Variants in CDC42BPG observed in about 807,000 individuals in gnomAD.
CDC42BPG encodes serine/threonine-protein kinase MRCK gamma.
Under a neutral mutation model 192.2 loss-of-function variants are expected in CDC42BPG, and 157 were observed. That is an observed-to-expected ratio of 0.82 (90% CI 0.72 to 0.93). The LOEUF (loss-of-function observed/expected upper bound fraction) is 0.93, where lower values mean the gene tolerates loss of function less well. CDC42BPG is among the 40% of genes least tolerant of loss of function. CDC42BPG has a pLI of 0.00. For synonymous variants in CDC42BPG, 981 were observed against 918.5 expected, an observed-to-expected ratio of 1.07 and a Z score of -1.23; for missense variants, 1,992 against 2,122.1, an observed-to-expected ratio of 0.94 and a Z score of 1.20.
Position 64,836,709 on chromosome 11 carries a change from G to GGGT in CDC42BPG, c.1384+29_1384+30insACC. On this transcript the variant is annotated intron_variant, in intron 11 of 36. Coordinates refer to ENST00000342711, the MANE Select transcript of CDC42BPG (RefSeq NM_017525.3). ...GAGCCCAGGTGGGACTCAGCCCTGG[G>GGGT]GGGGGGGGGGGGGTGGGCGGAAGGG... 6 of 695,476 alleles carry GGGT rather than the reference G, an allele frequency of 8.6e-6. 1 individual carries two copies. Among genetic ancestry groups the GGGT allele is most frequent in the Non-Finnish European group, 1.3e-5 (6 of 478,564 alleles). The allele number at this position is 695,476 out of a possible 1,614,324, so 43.1% of individuals were successfully genotyped here.
In CDC42BPG at chr11:64,840,326, G is replaced by T. The variant is rs551269388; in HGVS notation, c.433-58C>A. On this transcript the variant is annotated intron_variant, in intron 4 of 36. Transcript: ENST00000342711. ...GAAGGGTGCACCTGGCCACTTCACC[G>T]CGGTCCCGCAGGGCTCTGGGAAGGC... 7 of 1,585,254 alleles carry T rather than the reference G, an allele frequency of 4.4e-6. No individual in the cohort carries two copies. The East Asian group carries it at 9.0e-5, about 20-fold the overall frequency.
In CDC42BPG at chr11:64,833,004, G is replaced by T. The variant is rs749035286; in HGVS notation, c.2732-45C>A. ...GGTGGATGAGGTGAGGCTGGGAGGG[G>T]ACAGCCCCAAACCAGGACGGGGGCA... On this transcript the variant is annotated intron_variant, in intron 24 of 36. Transcript: ENST00000342711. 4 of 1,493,520 alleles carry T rather than the reference G, an allele frequency of 2.7e-6. No individual in the cohort carries two copies. In the East Asian group the frequency reaches 9.9e-5, roughly 37 times the overall value. 92.5% of individuals were successfully genotyped at this position (1,493,520 alleles called of 1,614,324 possible).
chr11:64,830,945 C>A (rs915951494), intron 28 of CDC42BPG, among the ~76,000 whole-genome samples: 1 of 152,232 alleles, frequency 6.6e-6, no homozygotes, highest in African/African-American at 2.4e-5. Context: ...CAGCTGGGCA[C>A]GGTGGCCCAT....
chr11:64,829,381 A>G (rs1401688995), intron 30 of CDC42BPG, 90 bp downstream of exon 30: 22 of 1,516,838 alleles, frequency 1.5e-5, no homozygotes, highest in African/African-American at 2.8e-5. Flanking sequence ...AAGGCCTCCA[A>G]TGCCAGGCTC....
At chr11:64,840,723 T>C in intron 3 of CDC42BPG, 75 bp from the exon 4 acceptor site, 1 of 1,295,988 alleles carries the variant, frequency 7.7e-7, no homozygotes, top group Non-Finnish European at 1.1e-6. Context: ...GCTCAGGGGA[T>C]GGAGAAAGAT....
rs1018292579 is a variant in CDC42BPG, at chr11:64,844,607, G to T, written c.-38C>A. 3.2e-6 allele frequency: 4 copies of T among 1,235,822 alleles called. No homozygotes were observed. The highest frequency in any genetic ancestry group is 4.0e-6 in the Non-Finnish European group (4 of 989,388). The allele number at this position is 1,235,822 out of a possible 1,614,324, so 76.6% of individuals were successfully genotyped here. A position where few individuals can be genotyped will look rare whatever the true frequency, so the allele number is the denominator to read the frequency against. On this transcript the variant is annotated 5_prime_UTR_variant, in exon 1 of 37. Coordinates refer to ENST00000342711, the MANE Select transcript of CDC42BPG (RefSeq NM_017525.3). ...AGCCTCGCTGCTCGGCTACAGTCTG[G>T]CCGCCCGCATGCCCGCCTGTCGGGC... is the stretch of plus-strand genomic sequence containing the variant.
Position 64,841,840 on chromosome 11 carries a change from C to T in CDC42BPG, c.225G>A (p.Lys75=), listed in dbSNP as rs951863384. The change falls in exon 2 of 37, where the codon AAG becomes AAA. Residue 75 remains lysine, a synonymous_variant. Transcript: ENST00000342711. The part of the protein sequence containing the change: ...RLQRDDFEIL[K]VIGRGAFGEV... ...CCCCAAAGGCTCCTCGGCCGATCAC[C>T]TTCAAGATCTCAAAGTCATCTCTCT... is the stretch of plus-strand genomic sequence containing the variant. 6.2e-7 allele frequency: 1 copy of T among 1,614,054 alleles called. No homozygotes were observed. The highest frequency in any genetic ancestry group is 1.3e-5 in the African/African-American group (1 of 75,064).
Position 64,844,390 on chromosome 11 carries a change from C to T in CDC42BPG, c.160+20G>A. 1 of 1,382,894 alleles carries T rather than the reference C, an allele frequency of 7.2e-7. No homozygotes were observed. The highest frequency in any genetic ancestry group is 9.3e-7 in the Non-Finnish European group (1 of 1,069,926). 85.7% of individuals were successfully genotyped at this position (1,382,894 alleles called of 1,614,324 possible). ...GATATCCCTAGGCCCGCCCCCGCTC[C>T]GTGCCGCCCCGCCACTCACCCCAGC... On this transcript the variant is annotated intron_variant, in intron 1 of 36. Coordinates refer to ENST00000342711, the MANE Select transcript of CDC42BPG (RefSeq NM_017525.3).
In CDC42BPG at chr11:64,828,093, A is replaced by G. The variant is rs1942517570; in HGVS notation, c.3968-310T>C. ...AACCCCTGGAGCCATGTGATGGTCAAGGTCAGGTCACTCAGCTGGTCCTGA... is the reference window on the plus strand; with the variant it reads ...AACCCCTGGAGCCATGTGATGGTCAGGGTCAGGTCACTCAGCTGGTCCTGA... On this transcript the variant is annotated intron_variant, in intron 30 of 36. Transcript: ENST00000342711. Among the ~76,000 whole-genome samples, 4 of 152,200 alleles carry G rather than the reference A, an allele frequency of 2.6e-5. No homozygotes were observed. The South Asian group carries it at 8.3e-4, about 32-fold the overall frequency.
Position 64,827,319 on chromosome 11 carries a change from G to C in CDC42BPG, c.4230C>G (p.Phe1410Leu). ...GCTGCTCCTCCGACACGCGGAAAAAGAAGCGGCGCTTGCTCTTGGTGCGGA... is the reference window on the plus strand; with the variant it reads ...GCTGCTCCTCCGACACGCGGAAAAACAAGCGGCGCTTGCTCTTGGTGCGGA... ...QLFRTKSKRR[F>L]FFRVSEEQQK... The change falls in exon 33 of 37, where the codon TTC becomes TTG. Residue 1410 changes from phenylalanine (F) to leucine (L), a missense_variant. This residue lies in a region of CDC42BPG where 336 missense variants were observed against 277.9 expected (regional missense o/e 1.21). Coordinates refer to ENST00000342711, the MANE Select transcript of CDC42BPG (RefSeq NM_017525.3). The C allele has an allele frequency of 1.9e-6, 3 of 1,614,016 alleles. No homozygotes were observed. Among genetic ancestry groups the C allele is most frequent in the Non-Finnish European group, 2.5e-6 (3 of 1,179,948 alleles).
At chr11:64,832,539 C>T in intron 26 of CDC42BPG, 30 bp from the exon 27 acceptor site, 1 of 1,613,876 alleles carries the variant, frequency 6.2e-7, no homozygotes, top group South Asian at 1.1e-5. Flanking sequence ...GGTCAGAAAT[C>T]TCCCTGTCCC....
Position 64,835,558 on chromosome 11 carries a change from G to A in CDC42BPG, c.1822C>T (p.Gln608Ter). The A allele has an allele frequency of 6.3e-7, 1 of 1,589,210 alleles. No homozygotes were observed. The highest frequency in any genetic ancestry group is 8.5e-7 in the Non-Finnish European group (1 of 1,171,374). The change falls in exon 15 of 37, where the codon CAA (glutamine) becomes TAA (stop). Residue 608 changes from glutamine to a stop codon, truncating the protein, a stop_gained. Transcript: ENST00000342711. LOFTEE classifies it high-confidence loss of function. ...AGGGCGGCCACCTCCTTCCTCAGTT[G>A]GGCCTCCTGAGGCCCACCCTCAGGG... ...GPPEGGPQEA[Q>*]LRKEVAALRE...
rs1229001846 is a variant in CDC42BPG, at chr11:64,838,701, T to C, written c.1078A>G (p.Met360Val). Reference protein sequence around the residue: ...APYIPELRGPMDTSNFDVDDD... With the variant: ...APYIPELRGPVDTSNFDVDDD... ...TCCACATCAAAGTTGGAGGTGTCCA[T>C]GGGCCCCCGCAGCTCAGGAATATAG... Residue 360 changes from methionine to valine, a missense_variant, in exon 8 of 37, where the codon ATG becomes GTG. Physicochemically the swap from Met to Val is conservative, Grantham distance 21. This residue lies in a region of CDC42BPG where 1,656 missense variants were observed against 1,844.3 expected (regional missense o/e 0.90). Transcript: ENST00000342711. The C allele has an allele frequency of 6.2e-7, 1 of 1,613,182 alleles. No individual in the cohort carries two copies.
In CDC42BPG at chr11:64,841,806, T is replaced by C; in HGVS notation, c.252+7A>G. ...CTCCCCCCACCTACCCCAGGCCCTT[T>C]GCTCACCTCCCCAAAGGCTCCTCGG... On this transcript the variant is annotated splice_region_variant and intron_variant, in intron 2 of 36. Coordinates refer to ENST00000342711, the MANE Select transcript of CDC42BPG (RefSeq NM_017525.3). 1 of 1,613,882 alleles carries C rather than the reference T, an allele frequency of 6.2e-7. No individual in the cohort carries two copies. Among genetic ancestry groups the C allele is most frequent in the South Asian group, 1.1e-5 (1 of 91,084 alleles).
intron 6 of CDC42BPG, 115 bp from the exon 7 acceptor site, chr11:64,839,348 C>G: frequency 6.6e-7 from 1 of 1,504,488 alleles, no homozygotes; most frequent in Admixed American, 1.8e-5. Flanking sequence ...TGCTGCCCAC[C>G]TGGGGCCTGG....
chr11:64,830,408 A>G (rs907239182), intron 28 of CDC42BPG, 152 bp from the exon 29 acceptor site: 2 of 713,152 alleles, frequency 2.8e-6, no homozygotes, highest in Non-Finnish European at 4.9e-6. Context: ...CTTCTCTCCC[A>G]GTCTGGACAG....
In CDC42BPG at chr11:64,840,280, G is replaced by T; in HGVS notation, c.433-12C>A. The T allele has an allele frequency of 6.2e-7, 1 of 1,607,686 alleles. No individual in the cohort carries two copies. The highest frequency in any genetic ancestry group is 8.5e-7 in the Non-Finnish European group (1 of 1,178,586). ...TCCATCACAAGGTACTGGAGGTGGC[G>T]GACAAGAATCAGACCCGGGGGAAGG... is the stretch of plus-strand genomic sequence containing the variant. On this transcript the variant is annotated splice_polypyrimidine_tract_variant and intron_variant, in intron 4 of 36. Coordinates refer to ENST00000342711, the MANE Select transcript of CDC42BPG (RefSeq NM_017525.3).
Position 64,827,628 on chromosome 11 carries a change from A to T in CDC42BPG, c.4066-17T>A. On this transcript the variant is annotated splice_polypyrimidine_tract_variant and intron_variant, in intron 31 of 36. Transcript: ENST00000342711. The stretch of plus-strand genomic sequence containing the variant: ...GGGCCGCACCTGAGGCAGCAGGCAC[A>T]GCGGTCAGGCCACGCCTCCACCCCC... 6.2e-7 allele frequency: 1 copy of T among 1,606,948 alleles called. No homozygotes were observed. Among genetic ancestry groups the T allele is most frequent in the South Asian group, 1.1e-5 (1 of 90,774 alleles).
chr11:64,824,045 G>A lies in CDC42BPG; in HGVS notation c.*428C>T, dbSNP rs111515144. The A allele has an allele frequency of 1.9e-3, 371 of 197,224 alleles. 1 individual carries two copies. Among genetic ancestry groups the A allele is most frequent in the African/African-American group, 8.4e-3 (322 of 38,374 alleles). 12.2% of individuals were successfully genotyped at this position (197,224 alleles called of 1,614,324 possible). A position where few individuals can be genotyped will look rare whatever the true frequency, so the allele number is the denominator to read the frequency against. On this transcript the variant is annotated 3_prime_UTR_variant, in exon 37 of 37. Coordinates refer to ENST00000342711, the MANE Select transcript of CDC42BPG (RefSeq NM_017525.3). ...TCTCACCCAGACGCTAAGCAGAGAC[G>A]GGGACATGCCCCATCTTGGCCTCAG...
Sources: gnomAD v4.1 joint callset for allele counts (sites outside exome capture counted in the v4.1 genomes callset) on GRCh38, gnomAD v4.1.1 for gene constraint, gnomAD v4.1.1 regional missense constraint, MANE v1.5 for transcripts, NCBI Gene and HGNC (gene_info 2026-07-23, HGNC 2026-07-21) for gene names.